Variants in EDDM13 observed in about 807,000 individuals in gnomAD.
The protein encoded by EDDM13 is epididymal protein 13.
EDDM13 carries 24 observed loss-of-function variants against 17.8 expected under a neutral mutation model. The ratio of observed to expected loss-of-function variants is 1.35; its 90% CI spans 0.98 to 1.90. The LOEUF is 1.90. Ranked by LOEUF, EDDM13 falls within the 40% of genes most tolerant of loss-of-function variation. The pLI, the probability that EDDM13 is intolerant of heterozygous loss-of-function variation, is 0.00. For missense variants in EDDM13, 97 were observed against 100.8 expected, an observed-to-expected ratio of 0.96 and a Z score of 0.16; for synonymous variants, 31 against 37.5, an observed-to-expected ratio of 0.83 and a Z score of 0.63.
Position 56,282,475 on chromosome 19 carries a change from G to A in EDDM13, c.110-16G>A. 1 of 985,276 alleles carries A rather than the reference G, an allele frequency of 1.0e-6. No individual in the cohort carries two copies. Among genetic ancestry groups the A allele is most frequent in the Non-Finnish European group, 1.2e-6 (1 of 829,892 alleles). The allele number at this position is 985,276 out of a possible 1,614,324, so 61.0% of individuals were successfully genotyped here. A position where few individuals can be genotyped will look rare whatever the true frequency, so the allele number is the denominator to read the frequency against. ...TACCATCGGTCCTGTCCTTCCTGCT[G>A]CTTGTCTGCCAACAGTGCTGAAAGG... On this transcript the variant is annotated splice_polypyrimidine_tract_variant and intron_variant, in intron 3 of 14. Transcript: ENST00000649256.
intron 2 of EDDM13, among the ~76,000 whole-genome samples, chr19:56,280,265 G>T (rs912564677): frequency 6.6e-6 from 1 of 152,140 alleles, no homozygotes; most frequent in African/African-American, 2.4e-5. Context: ...AGTTCATAAG[G>T]AGCATCCTCA....
chr19:56,309,932 C>T (rs1472740695), intron 14 of EDDM13, among the ~76,000 whole-genome samples, 192 bp from the exon 15 acceptor site: 1 of 151,868 alleles, frequency 6.6e-6, no homozygotes, highest in African/African-American at 2.4e-5. Flanking sequence ...TGGAACAGCC[C>T]GGTGGGAATA....
intron 9 of EDDM13, among the ~76,000 whole-genome samples, chr19:56,291,730 T>C (rs1043081490): frequency 6.6e-6 from 1 of 152,140 alleles, no homozygotes; most frequent in Non-Finnish European, 1.5e-5. Flanking sequence ...AACTCTCAGC[T>C]TTTGACCATC....
intron 1 of EDDM13, chr19:56,274,482 T>A (rs2038102863): frequency 6.6e-6 from 1 of 150,396 alleles, no homozygotes; most frequent in Non-Finnish European, 1.5e-5. Context: ...AAAAAAAAAC[T>A]CTGTAGAGGA....
At chr19:56,298,476 C>A (rs945806159) in intron 12 of EDDM13, among the ~76,000 whole-genome samples, 1 of 151,932 alleles carries the variant, frequency 6.6e-6, no homozygotes, top group African/African-American at 2.4e-5. Flanking sequence ...TCTGGTGAAA[C>A]CCCGTCTCTA....
intron 1 of EDDM13, among the ~76,000 whole-genome samples, 183 bp from the exon 2 acceptor site, chr19:56,275,909 A>G (rs1232421000): frequency 6.6e-6 from 1 of 152,212 alleles, no homozygotes; most frequent in Non-Finnish European, 1.5e-5. Context: ...TTATCGATGG[A>G]TGGATGGGCT....
intron 14 of EDDM13, among the ~76,000 whole-genome samples, chr19:56,307,248 G>A (rs2040748009): frequency 6.6e-6 from 1 of 151,984 alleles, no homozygotes; most frequent in Admixed American, 6.6e-5. Context: ...CCTCTCCCTG[G>A]CATCCCCAGT....
intron 13 of EDDM13, among the ~76,000 whole-genome samples, chr19:56,303,367 G>A (rs187673394): frequency 7.7e-4 from 117 of 151,962 alleles, no homozygotes; most frequent in African/African-American, 2.6e-3. Flanking sequence ...AATCCCAGCT[G>A]CTCGGGAGGC....
At chr19:56,305,616 A>C (rs2040633412) in intron 14 of EDDM13, among the ~76,000 whole-genome samples, 1 of 152,204 alleles carries the variant, frequency 6.6e-6, no homozygotes, top group Non-Finnish European at 1.5e-5. Context: ...TCATATGATA[A>C]TTCTGTGTTT....
At chr19:56,288,840 T>C (rs1384890742) in intron 7 of EDDM13, among the ~76,000 whole-genome samples, 34 bp from the exon 8 acceptor site, 2 of 152,176 alleles carry the variant, frequency 1.3e-5, no homozygotes, top group Admixed American at 6.5e-5. Context: ...TGCCCCTCCG[T>C]TGCAACCTGG....
intron 1 of EDDM13, among the ~76,000 whole-genome samples, chr19:56,273,479 C>T (rs917656203): frequency 3.3e-5 from 3 of 90,002 alleles, no homozygotes; most frequent in Admixed American, 2.6e-4. Context: ...ATAGTTCTGT[C>T]TTCATGGAAT....
At chr19:56,274,526 T>G (rs916469048) in intron 1 of EDDM13, 3 of 152,110 alleles carry the variant, frequency 2.0e-5, no homozygotes, top group Non-Finnish European at 4.4e-5. Context: ...TTGAAATTAT[T>G]TTAGACTTGA....
chr19:56,301,775 T>G (rs2040248773), intron 12 of EDDM13, among the ~76,000 whole-genome samples, 193 bp from the exon 13 acceptor site: 1 of 152,130 alleles, frequency 6.6e-6, no homozygotes, highest in South Asian at 2.1e-4. Flanking sequence ...CATTCCTGAC[T>G]GTTTGTCTGG....
chr19:56,306,055 G>C (rs1025496607), intron 14 of EDDM13, among the ~76,000 whole-genome samples: 1 of 152,088 alleles, frequency 6.6e-6, no homozygotes, highest in Non-Finnish European at 1.5e-5. Flanking sequence ...TGGAAGATTA[G>C]AGCAAGCATT....
chr19:56,287,289 T>C (rs2147119901), intron 6 of EDDM13, among the ~76,000 whole-genome samples: 1 of 152,384 alleles, frequency 6.6e-6, no homozygotes, highest in Non-Finnish European at 1.5e-5. Flanking sequence ...GGAAACATTT[T>C]ACGGAAACCT....
chr19:56,291,563 TC>T (rs2039511744), intron 9 of EDDM13, among the ~76,000 whole-genome samples: 1 of 152,108 alleles, frequency 6.6e-6, no homozygotes, highest in African/African-American at 2.4e-5. Context: ...CTTCCTTCCT[TC>T]CTCCACTGCT....
At chr19:56,291,173 A>G (rs925029576) in intron 9 of EDDM13, among the ~76,000 whole-genome samples, 1 of 152,184 alleles carries the variant, frequency 6.6e-6, no homozygotes, top group African/African-American at 2.4e-5. Context: ...TGAGTTGTAC[A>G]TATTTGTTGG....
intron 13 of EDDM13, among the ~76,000 whole-genome samples, chr19:56,302,437 TTC>T (rs1278704976): frequency 0.029 from 4,043 of 138,792 alleles, 192 homozygotes; most frequent in African/African-American, 0.1. Flanking sequence ...TCTCCCTTCC[TTC>T]CTTTCTTCCT....
rs1317216921 is a variant in EDDM13 at position 56,301,949 on chromosome 19, T to C, written c.296-19T>C. ...AAGGGAAGGCCATCAGCATCAATCA[T>C]CTCCACGGTTCTCTCCAGTTAAACC... On this transcript the variant is annotated intron_variant, in intron 12 of 14. Coordinates refer to ENST00000649256, the MANE Select transcript of EDDM13 (RefSeq NM_001354658.2). The C allele has an allele frequency of 1.6e-6, 2 of 1,231,638 alleles. No individual in the cohort carries two copies. Among genetic ancestry groups the C allele is most frequent in the African/African-American group, 3.1e-5 (2 of 64,282 alleles). 76.3% of individuals were successfully genotyped at this position (1,231,638 alleles called of 1,614,324 possible).
Sources: gnomAD v4.1 joint callset for allele counts (sites outside exome capture counted in the v4.1 genomes callset) on GRCh38, gnomAD v4.1.1 for gene constraint, MANE v1.5 for transcripts, NCBI Gene and HGNC (gene_info 2026-07-23, HGNC 2026-07-21) for gene names.